Variants in NKAIN2 observed in about 807,000 individuals in gnomAD.
The protein encoded by NKAIN2 is sodium/potassium transporting ATPase interacting 2.
Under a neutral mutation model 32.6 loss-of-function variants are expected in NKAIN2, and 14 were observed. The ratio of observed to expected loss-of-function variants is 0.43; its 90% CI spans 0.28 to 0.67. The LOEUF is 0.67. Ranked by LOEUF, NKAIN2 falls within the 30% of genes least tolerant of loss-of-function variation. NKAIN2 has a pLI of 0.17. For synonymous variants in NKAIN2, 80 were observed against 87.2 expected, an observed-to-expected ratio of 0.92 and a Z score of 0.46; for missense variants, 198 against 258.3, an observed-to-expected ratio of 0.77 and a Z score of 1.60.
chr6:124,431,978 G>A (rs1443634487), intron 3 of NKAIN2, among the ~76,000 whole-genome samples: 4 of 152,078 alleles, frequency 2.6e-5, no homozygotes. Flanking sequence ...AAGACTTTGG[G>A]AAACAAGGGA....
chr6:123,883,524 C>T (rs1288174362), intron 1 of NKAIN2, among the ~76,000 whole-genome samples: 2 of 151,826 alleles, frequency 1.3e-5, no homozygotes, highest in African/African-American at 4.8e-5. Flanking sequence ...CCTGCTCCAG[C>T]CATGTAAGAT....
intron 2 of NKAIN2, among the ~76,000 whole-genome samples, chr6:124,326,027 CTG>C (rs375798913): frequency 3.7e-4 from 56 of 151,452 alleles, no homozygotes; most frequent in Middle Eastern, 3.4e-3. Context: ...ACTCCTGTTT[CTG>C]TGTGTGTGTA....
intron 1 of NKAIN2, among the ~76,000 whole-genome samples, chr6:123,835,489 A>G (rs1220221624): frequency 6.6e-6 from 1 of 152,220 alleles, no homozygotes; most frequent in African/African-American, 2.4e-5. Flanking sequence ...TCTCATGACT[A>G]AAGAGTAATC....
At chr6:123,920,472 G>A (rs1240552591) in intron 1 of NKAIN2, among the ~76,000 whole-genome samples, 2 of 151,996 alleles carry the variant, frequency 1.3e-5, no homozygotes, top group East Asian at 1.9e-4. Context: ...AAAAACCTAG[G>A]ATGCGGAGAG....
intron 2 of NKAIN2, among the ~76,000 whole-genome samples, chr6:124,287,170 A>C (rs1795593775): frequency 6.6e-6 from 1 of 152,208 alleles, no homozygotes; most frequent in Admixed American, 6.5e-5. Context: ...TGCTGCTTTT[A>C]AGATTATGAA....
chr6:124,465,658 G>C (rs1315562996), intron 3 of NKAIN2, among the ~76,000 whole-genome samples: 1 of 145,226 alleles, frequency 6.9e-6, no homozygotes, highest in African/African-American at 2.5e-5. Flanking sequence ...AAATTCCTTT[G>C]ACAAGGAACC....
intron 1 of NKAIN2, among the ~76,000 whole-genome samples, chr6:123,845,631 T>A (rs1775056669): frequency 6.6e-6 from 1 of 152,196 alleles, no homozygotes; most frequent in Non-Finnish European, 1.5e-5. Context: ...TTTCTGGATG[T>A]GAAATCCATG....
chr6:123,917,244 T>C (rs1386857366), intron 1 of NKAIN2, among the ~76,000 whole-genome samples: 5 of 152,134 alleles, frequency 3.3e-5, no homozygotes, highest in African/African-American at 1.2e-4. Flanking sequence ...TTATCTGTTT[T>C]TTTTTTTATT....
At chr6:124,462,173 A>G (rs1307258694) in intron 3 of NKAIN2, among the ~76,000 whole-genome samples, 3 of 151,886 alleles carry the variant, frequency 2.0e-5, no homozygotes, top group Non-Finnish European at 2.9e-5. Context: ...AGTTTGGAAC[A>G]TAATAAGGAA....
intron 1 of NKAIN2, among the ~76,000 whole-genome samples, chr6:124,058,675 T>C (rs1238063521): frequency 6.6e-6 from 1 of 152,122 alleles, no homozygotes; most frequent in Non-Finnish European, 1.5e-5. Context: ...CACCTGTTTT[T>C]TGTATGACCC....
chr6:124,028,795 GTA>G (rs973245812), intron 1 of NKAIN2, among the ~76,000 whole-genome samples: 7 of 145,066 alleles, frequency 4.8e-5, no homozygotes, highest in African/African-American at 1.8e-4. Context: ...GCATATACGT[GTA>G]TATACGTATA....
intron 2 of NKAIN2, among the ~76,000 whole-genome samples, chr6:124,293,399 G>T (rs1351237976): frequency 6.6e-6 from 1 of 151,416 alleles, no homozygotes; most frequent in Non-Finnish European, 1.5e-5. Flanking sequence ...TTAATTTATA[G>T]CTTTTTACTT....
At chr6:124,467,695 G>A (rs575092543) in intron 3 of NKAIN2, among the ~76,000 whole-genome samples, 1 of 151,986 alleles carries the variant, frequency 6.6e-6, no homozygotes, top group Non-Finnish European at 1.5e-5. Flanking sequence ...ATTTTATTAA[G>A]TATAAAATTA....
At chr6:124,154,770 A>G (rs904106861) in intron 1 of NKAIN2, among the ~76,000 whole-genome samples, 2 of 152,032 alleles carry the variant, frequency 1.3e-5, no homozygotes, top group Admixed American at 6.6e-5. Context: ...TGGAAATCAT[A>G]TTCTTAACTG....
intron 1 of NKAIN2, among the ~76,000 whole-genome samples, chr6:123,985,482 A>C (rs765390819): frequency 1.1e-4 from 17 of 152,314 alleles, no homozygotes; most frequent in Non-Finnish European, 1.8e-4. Context: ...ATGGGTCTAC[A>C]TGTACTGTCC....
intron 1 of NKAIN2, among the ~76,000 whole-genome samples, chr6:124,232,484 T>C (rs113836840): frequency 6.6e-6 from 1 of 152,112 alleles, no homozygotes; most frequent in African/African-American, 2.4e-5. Context: ...AAGAACAGTA[T>C]ATAGATTCGA....
intron 3 of NKAIN2, among the ~76,000 whole-genome samples, chr6:124,386,121 C>G (rs145175960): frequency 6.6e-6 from 1 of 152,118 alleles, no homozygotes; most frequent in East Asian, 1.9e-4. Context: ...GGAGCCAAGT[C>G]GGGACTGTAA....
chr6:124,312,009 T>C (rs891230734), intron 2 of NKAIN2, among the ~76,000 whole-genome samples: 2 of 152,120 alleles, frequency 1.3e-5, no homozygotes, highest in Admixed American at 1.3e-4. Flanking sequence ...CAACCTCCAG[T>C]TGTAAACTTT....
chr6:124,114,429 G>T (rs1224244464), intron 1 of NKAIN2, among the ~76,000 whole-genome samples: 1 of 151,984 alleles, frequency 6.6e-6, no homozygotes, highest in East Asian at 1.9e-4. Context: ...TTCAGTATTA[G>T]GTGTGTTAAT....
Sources: allele counts gnomAD v4.1 joint callset (sites outside exome capture counted in the v4.1 genomes callset), GRCh38; gene constraint gnomAD v4.1.1; transcripts MANE v1.5; gene names NCBI Gene and HGNC (gene_info 2026-07-23, HGNC 2026-07-21).